NRXN3: variants seen among roughly 807,000 people sequenced by gnomAD.
NRXN3 encodes the protein neurexin III.
NRXN3 carries 32 observed loss-of-function variants against 137.6 expected under a neutral mutation model. That is an observed-to-expected ratio of 0.23 (90% CI 0.18 to 0.31). The LOEUF is 0.31. Ranked by LOEUF, NRXN3 falls within the 10% of genes least tolerant of loss-of-function variation. NRXN3 has a pLI of 1.00. For synonymous variants in NRXN3, 798 were observed against 784.5 expected, an observed-to-expected ratio of 1.02 and a Z score of -0.29; for missense variants, 1,574 against 2,062.5, an observed-to-expected ratio of 0.76 and a Z score of 4.59.
intron 15 of NRXN3, among the ~76,000 whole-genome samples, chr14:79,422,697 C>CTTTT (rs1185262366): frequency 5.4e-5 from 7 of 130,164 alleles, no homozygotes; most frequent in Admixed American, 8.1e-5. Flanking sequence ...GTTCCACATT[C>CTTTT]TTTTTTTTTT....
At chr14:79,611,060 T>A (rs983014420) in intron 16 of NRXN3, among the ~76,000 whole-genome samples, 1 of 152,182 alleles carries the variant, frequency 6.6e-6, no homozygotes, top group Non-Finnish European at 1.5e-5. Flanking sequence ...CACTTCATGA[T>A]GGAATGCGTC....
intron 15 of NRXN3, among the ~76,000 whole-genome samples, chr14:79,333,071 A>G (rs1335875404): frequency 1.3e-5 from 2 of 152,166 alleles, no homozygotes; most frequent in East Asian, 3.9e-4. Context: ...GGAAAATACC[A>G]TGCAGCGCTT....
intron 6 of NRXN3, among the ~76,000 whole-genome samples, chr14:78,686,595 T>C (rs1332319430): frequency 6.6e-6 from 1 of 152,224 alleles, no homozygotes; most frequent in Non-Finnish European, 1.5e-5. Context: ...GCATACAGAT[T>C]AGTAATGTGT....
intron 4 of NRXN3, among the ~76,000 whole-genome samples, chr14:78,464,642 A>C (rs2095043275): frequency 6.6e-6 from 1 of 152,246 alleles, no homozygotes; most frequent in Non-Finnish European, 1.5e-5. Context: ...ATTTGTATAC[A>C]TTGTAAAAAT....
intron 15 of NRXN3, among the ~76,000 whole-genome samples, chr14:79,051,116 G>C (rs1714274533): frequency 1.3e-5 from 2 of 152,140 alleles, no homozygotes. Context: ...GCTAGTGATA[G>C]AGCCAGAATC....
intron 4 of NRXN3, among the ~76,000 whole-genome samples, chr14:78,485,576 T>G (rs1372059445): frequency 6.6e-6 from 1 of 152,234 alleles, no homozygotes; most frequent in South Asian, 2.1e-4. Context: ...CTCAACAAAT[T>G]GTTGCTATTA....
At chr14:78,578,083 A>G (rs558421313) in intron 4 of NRXN3, among the ~76,000 whole-genome samples, 52 of 152,296 alleles carry the variant, frequency 3.4e-4, no homozygotes, top group African/African-American at 1.2e-3. Context: ...TAATATCTGT[A>G]TGCATAAATT....
intron 17 of NRXN3, among the ~76,000 whole-genome samples, chr14:79,676,026 C>T (rs1458561835): frequency 1.3e-5 from 2 of 152,044 alleles, no homozygotes; most frequent in Admixed American, 1.3e-4. Flanking sequence ...TTTTCTCCTA[C>T]CCGCACCCTG....
At chr14:79,274,402 T>C (rs755235231) in intron 15 of NRXN3, among the ~76,000 whole-genome samples, 1 of 152,238 alleles carries the variant, frequency 6.6e-6, no homozygotes, top group Non-Finnish European at 1.5e-5. Context: ...TATTCCTTCT[T>C]TTATTGTGAT....
intron 4 of NRXN3, among the ~76,000 whole-genome samples, chr14:78,395,253 T>A (rs977806098): frequency 6.6e-6 from 1 of 152,008 alleles, no homozygotes; most frequent in Admixed American, 6.6e-5. Flanking sequence ...ATTTTTCCTT[T>A]AGCTTAAAGC....
chr14:79,284,615 G>C (rs560839870), intron 15 of NRXN3, among the ~76,000 whole-genome samples: 3 of 151,978 alleles, frequency 2.0e-5, no homozygotes, highest in African/African-American at 7.2e-5. Flanking sequence ...AAGAACTCTT[G>C]CTCAGAAACC....
chr14:79,090,427 A>G (rs2048944188), intron 15 of NRXN3, among the ~76,000 whole-genome samples: 1 of 152,160 alleles, frequency 6.6e-6, no homozygotes, highest in African/African-American at 2.4e-5. Flanking sequence ...CCCTTTTGCC[A>G]TGAAATCAAT....
At chr14:79,680,026 A>G (rs1050066538) in intron 17 of NRXN3, among the ~76,000 whole-genome samples, 14 of 152,116 alleles carry the variant, frequency 9.2e-5, no homozygotes, top group African/African-American at 3.4e-4. Context: ...TCTAGAGTCT[A>G]TCTTTGCTCT....
chr14:79,210,254 A>C (rs1454678085), intron 15 of NRXN3, among the ~76,000 whole-genome samples: 1 of 152,196 alleles, frequency 6.6e-6, no homozygotes, highest in East Asian at 1.9e-4. Context: ...TTATTTTGAG[A>C]TCAAGTGCTA....
intron 15 of NRXN3, among the ~76,000 whole-genome samples, chr14:79,225,249 G>A (rs891091357): frequency 6.6e-6 from 1 of 152,128 alleles, no homozygotes; most frequent in South Asian, 2.1e-4. Context: ...GGTTGGACAG[G>A]TTCTGTTTGA....
At chr14:79,802,568 A>T (rs1240045849) in intron 19 of NRXN3, among the ~76,000 whole-genome samples, 1 of 152,198 alleles carries the variant, frequency 6.6e-6, no homozygotes, top group Non-Finnish European at 1.5e-5. Flanking sequence ...GGTGGGAGAC[A>T]TTGCCCCTAT....
intron 16 of NRXN3, among the ~76,000 whole-genome samples, chr14:79,468,343 C>T (rs1469692724): frequency 6.6e-6 from 1 of 152,194 alleles, no homozygotes; most frequent in Non-Finnish European, 1.5e-5. Context: ...GATTCTCATC[C>T]ATAAGTACCC....
At position 78,357,147 on chromosome 14, in the gene NRXN3, A is replaced by G. The variant is rs188310194; in HGVS notation, c.757+59287A>G. On this transcript the variant is annotated intron_variant, in intron 4 of 20. Coordinates refer to ENST00000335750, the MANE Select transcript of NRXN3 (RefSeq NM_001330195.2). ...TGCGACTTGGCAGTTTACAAAGGAA[A>G]GAGATTTAATGAAGAACTCGTGGTT... is the stretch of plus-strand genomic sequence containing the variant. Among the ~76,000 whole-genome samples, 254 of 152,360 alleles carry G rather than the reference A, an allele frequency of 1.7e-3. 2 individuals carry two copies. In the Middle Eastern group the frequency reaches 0.024, roughly 14 times the overall value.
chr14:78,812,853 A>G (rs1463660760), intron 10 of NRXN3, among the ~76,000 whole-genome samples: 1 of 152,214 alleles, frequency 6.6e-6, no homozygotes, highest in South Asian at 2.1e-4. Context: ...TACTAAGAAC[A>G]TTTATTTTGT....
Sources: allele counts gnomAD v4.1 joint callset (sites outside exome capture counted in the v4.1 genomes callset), GRCh38; gene constraint gnomAD v4.1.1; transcripts MANE v1.5; gene names NCBI Gene and HGNC (gene_info 2026-07-23, HGNC 2026-07-21).